MKLN1: variants seen among roughly 807,000 people sequenced by gnomAD.
MKLN1 encodes the protein muskelin 1.
A neutral mutation model predicts 99.0 loss-of-function variants in MKLN1; 18 were observed. The ratio of observed to expected loss-of-function variants is 0.18; its 90% CI spans 0.13 to 0.27. The LOEUF is 0.27. Ranked by LOEUF, MKLN1 falls within the 10% of genes least tolerant of loss-of-function variation. The pLI is 1.00. For missense variants in MKLN1, 621 were observed against 875.9 expected, an observed-to-expected ratio of 0.71 and a Z score of 3.67; for synonymous variants, 288 against 293.2, an observed-to-expected ratio of 0.98 and a Z score of 0.18.
At chr7:131,303,385 G>A (rs1379777524) in intron 3 of MKLN1, among the ~76,000 whole-genome samples, 1 of 152,226 alleles carries the variant, frequency 6.6e-6, no homozygotes, top group Non-Finnish European at 1.5e-5. Context: ...AGGGCCCATT[G>A]GGGCAGGACT....
At chr7:131,466,635 G>A (rs1796669200) in intron 15 of MKLN1, among the ~76,000 whole-genome samples, 1 of 152,098 alleles carries the variant, frequency 6.6e-6, no homozygotes, top group Non-Finnish European at 1.5e-5. Flanking sequence ...TTTTGCAGCT[G>A]TTAAAAAAAT....
At chr7:131,287,105 T>TCAAAACAAAA (rs60492108) in intron 3 of MKLN1, among the ~76,000 whole-genome samples, 1 of 151,662 alleles carries the variant, frequency 6.6e-6, no homozygotes, top group Non-Finnish European at 1.5e-5. Context: ...AAACCCTGTC[T>TCAAAACAAAA]CAAAACAAAA....
Position 131,266,682 on chromosome 7 carries a change from T to C in MKLN1, c.-179+63708T>C, listed in dbSNP as rs532960928. ...ATCCTTTGTGTTGATGAACAGACCC[T>C]GTCTTGAGGGAGACACTCAGTTCCC... On this transcript the variant is annotated intron_variant, in intron 3 of 7. Coordinates refer to the MKLN1 transcript ENST00000416992. 1.3e-3 allele frequency among the ~76,000 whole-genome samples: 193 copies of C among 152,146 alleles called. 1 individual carries two copies. The highest frequency in any genetic ancestry group is 4.2e-3 in the African/African-American group (176 of 41,524).
At chr7:131,281,457 G>A (rs374398925) in intron 3 of MKLN1, among the ~76,000 whole-genome samples, 79 of 152,104 alleles carry the variant, frequency 5.2e-4, no homozygotes, top group African/African-American at 1.8e-3. Flanking sequence ...TTGAAATCAG[G>A]AACTATGCCT....
intron 8 of MKLN1, among the ~76,000 whole-genome samples, chr7:131,420,106 G>A (rs957437872): frequency 1.3e-5 from 2 of 151,976 alleles, no homozygotes; most frequent in Non-Finnish European, 2.9e-5. Flanking sequence ...GAGTTGATGG[G>A]TGCAGTACAC....
chr7:131,168,957 T>G (rs2116329697), intron 2 of MKLN1, among the ~76,000 whole-genome samples: 1 of 150,428 alleles, frequency 6.6e-6, no homozygotes, highest in African/African-American at 2.4e-5. Flanking sequence ...AACCTCCACC[T>G]CCTGGGTTCA....
At chr7:131,444,757 T>A (rs201090658) in intron 11 of MKLN1, among the ~76,000 whole-genome samples, 759 of 62,832 alleles carry the variant, frequency 0.012, 4 homozygotes, top group Middle Eastern at 0.047. Context: ...GTAGTAGTAG[T>A]AGAAGAAGTA....
chr7:131,119,683 C>A (rs750191582), intron 1 of MKLN1, among the ~76,000 whole-genome samples: 1 of 152,220 alleles, frequency 6.6e-6, no homozygotes, highest in Non-Finnish European at 1.5e-5. Flanking sequence ...GCCTTCTGTG[C>A]ACCCACAGGC....
At chr7:131,426,501 C>T (rs1795362046) in intron 8 of MKLN1, among the ~76,000 whole-genome samples, 1 of 151,868 alleles carries the variant, frequency 6.6e-6, no homozygotes, top group Non-Finnish European at 1.5e-5. Flanking sequence ...ATTTTGGAAA[C>T]AGAATGTTAC....
intron 1 of MKLN1, among the ~76,000 whole-genome samples, chr7:131,122,161 A>G (rs772774380): frequency 7.2e-5 from 11 of 152,236 alleles, no homozygotes; most frequent in Admixed American, 5.9e-4. Context: ...TGATCAGTAA[A>G]CTTTTGTTAG....
chr7:131,252,178 GACAGAT>G (rs1361599786), intron 3 of MKLN1, among the ~76,000 whole-genome samples: 5 of 152,064 alleles, frequency 3.3e-5, no homozygotes, highest in African/African-American at 4.8e-5. Flanking sequence ...CAAAAGCCCG[GACAGAT>G]ACCTCACAGA....
At chr7:131,320,933 G>T in intron 3 of MKLN1, among the ~76,000 whole-genome samples, 1 of 152,198 alleles carries the variant, frequency 6.6e-6, no homozygotes, top group Non-Finnish European at 1.5e-5. Context: ...GGAAACAACA[G>T]ATGCTGGCAA....
chr7:131,296,346 A>G (rs1253675856), intron 3 of MKLN1, among the ~76,000 whole-genome samples: 2 of 152,228 alleles, frequency 1.3e-5, no homozygotes, highest in Non-Finnish European at 2.9e-5. Context: ...TATATTACTA[A>G]ATGAACAAAG....
intron 2 of MKLN1, among the ~76,000 whole-genome samples, chr7:131,386,363 G>A (rs186322194): frequency 6.6e-6 from 1 of 152,174 alleles, no homozygotes; most frequent in East Asian, 1.9e-4. Context: ...TCCATTTTGA[G>A]TTGATTTTTG....
At chr7:131,341,900 CCTG>C (rs1455636694) in intron 1 of MKLN1, among the ~76,000 whole-genome samples, 2 of 152,240 alleles carry the variant, frequency 1.3e-5, no homozygotes, top group African/African-American at 4.8e-5. Flanking sequence ...CCACTCACCT[CCTG>C]CTGTGCATCT....
intron 2 of MKLN1, among the ~76,000 whole-genome samples, chr7:131,158,553 A>G (rs1306668028): frequency 6.6e-6 from 1 of 152,204 alleles, no homozygotes; most frequent in Non-Finnish European, 1.5e-5. Flanking sequence ...TTAAAAGTCT[A>G]AAGGTGACCC....
chr7:131,412,443 A>T (rs939896127), intron 7 of MKLN1, among the ~76,000 whole-genome samples: 2 of 152,228 alleles, frequency 1.3e-5, no homozygotes, highest in African/African-American at 4.8e-5. Flanking sequence ...ACTAATAAAA[A>T]CTAGTGTAAT....
At chr7:131,259,105 T>G (rs1170240058) in intron 3 of MKLN1, among the ~76,000 whole-genome samples, 1 of 152,128 alleles carries the variant, frequency 6.6e-6, no homozygotes, top group Non-Finnish European at 1.5e-5. Context: ...ACTTTCTTTT[T>G]GGATTTTTTA....
Position 131,494,479 on chromosome 7 carries a change from C to T in MKLN1, c.*6751C>T, listed in dbSNP as rs1281997325. On this transcript the variant is annotated 3_prime_UTR_variant, in exon 18 of 18. Transcript: ENST00000352689. ...ATAATACCAAGTAATTATCAACTCA[C>T]TCCCAAATTTAATAAGATATCAAAG... 1.0e-4 allele frequency: 15 copies of T among 149,042 alleles called. No homozygotes were observed. Among genetic ancestry groups the T allele is most frequent in the Admixed American group, 9.2e-4 (14 of 15,192 alleles). The allele number at this position is 149,042 out of a possible 1,614,324, so 9.2% of individuals were successfully genotyped here. A position where few individuals can be genotyped will look rare whatever the true frequency, so the allele number is the denominator to read the frequency against.
Sources: allele counts gnomAD v4.1 joint callset (sites outside exome capture counted in the v4.1 genomes callset), GRCh38; gene constraint gnomAD v4.1.1; transcripts MANE v1.5; gene names NCBI Gene and HGNC (gene_info 2026-07-23, HGNC 2026-07-21).